Variants in DTNB observed in about 807,000 individuals in gnomAD.
The protein encoded by DTNB is dystrobrevin beta.
In DTNB, 63 loss-of-function variants were observed where a neutral mutation model predicts 90.7. The ratio of observed to expected loss-of-function variants is 0.69; its 90% CI spans 0.57 to 0.86. The LOEUF (loss-of-function observed/expected upper bound fraction) is 0.86. DTNB is among the 40% of genes least tolerant of loss of function. The pLI, the probability that DTNB is intolerant of heterozygous loss-of-function variation, is 0.00. For synonymous variants in DTNB, 277 were observed against 286.7 expected (o/e 0.97, Z 0.34); for missense variants, 744 against 807.1 (o/e 0.92, Z 0.95).
intron 10 of DTNB, among the ~76,000 whole-genome samples, chr2:25,480,433 A>C (rs570104497): frequency 3.0e-4 from 45 of 152,362 alleles, no homozygotes; most frequent in Non-Finnish European, 5.9e-4. Context: ...GCTTTCAAAA[A>C]TGACAGGTAT....
chr2:25,664,545 G>A (rs1327738417), intron 1 of DTNB, among the ~76,000 whole-genome samples: 1 of 152,166 alleles, frequency 6.6e-6, no homozygotes, highest in Non-Finnish European at 1.5e-5. Context: ...GTACGTGACA[G>A]ACATCATCAG....
chr2:25,625,770 G>T (rs2074001355), intron 4 of DTNB, among the ~76,000 whole-genome samples: 1 of 151,496 alleles, frequency 6.6e-6, no homozygotes. Flanking sequence ...CCCTTCTTTA[G>T]CCATATGCTA....
At chr2:25,627,991 C>G (rs1316805184) in intron 4 of DTNB, among the ~76,000 whole-genome samples, 180 bp downstream of exon 4, 1 of 152,134 alleles carries the variant, frequency 6.6e-6, no homozygotes, top group African/African-American at 2.4e-5. Flanking sequence ...CCTCCTTGGC[C>G]TCCCAAAGTG....
chr2:25,528,754 T>A (rs1045483610), intron 9 of DTNB, among the ~76,000 whole-genome samples: 2 of 152,196 alleles, frequency 1.3e-5, no homozygotes, highest in Admixed American at 1.3e-4. Flanking sequence ...GTAAAGTATA[T>A]CTTAAATAGC....
At chr2:25,451,774 T>C (rs1250898324) in intron 11 of DTNB, 139 bp from the exon 12 acceptor site, 14 of 768,714 alleles carry the variant, frequency 1.8e-5, no homozygotes, top group Admixed American at 1.2e-4. Context: ...TAGATACTAA[T>C]GGTCTTCTGA....
intron 14 of DTNB, among the ~76,000 whole-genome samples, chr2:25,428,169 TTTC>T (rs953431663): frequency 1.3e-5 from 2 of 152,170 alleles, no homozygotes; most frequent in Non-Finnish European, 2.9e-5. Context: ...CCTAAATGGT[TTTC>T]TTGTCTCTGT....
Position 25,432,868 on chromosome 2 carries a change from TAG to T in DTNB, c.1457+16_1457+17del, listed in dbSNP as rs746994576. The T allele has an allele frequency of 2.5e-6, 4 of 1,578,130 alleles. No homozygotes were observed. The highest frequency in any genetic ancestry group is 3.4e-6 in the Non-Finnish European group (4 of 1,162,588). Reference sequence around the variant, plus strand: ...ATAGTAGATTACATGTGGCAAGTGGTAGAGTGTCCCTACTCACCTCAGCAGCC... The same window carrying T: ...ATAGTAGATTACATGTGGCAAGTGGTAGTGTCCCTACTCACCTCAGCAGCC... On this transcript the variant is annotated intron_variant, in intron 14 of 20. Transcript: ENST00000406818.
intron 13 of DTNB, among the ~76,000 whole-genome samples, chr2:25,433,392 G>A (rs113387687): frequency 3.8e-4 from 58 of 152,122 alleles, no homozygotes; most frequent in African/African-American, 1.2e-3. Flanking sequence ...CTCTGTCCCC[G>A]ATGCCCCAGT....
chr2:25,591,085 C>T (rs765138504), intron 6 of DTNB, among the ~76,000 whole-genome samples: 5 of 152,338 alleles, frequency 3.3e-5, no homozygotes, highest in Admixed American at 6.5e-5. Flanking sequence ...TGCCCGAGCT[C>T]GGCCTCAGCC....
At chr2:25,501,812 TATTAAATTAAATTAA>T (rs1229217219) in intron 9 of DTNB, among the ~76,000 whole-genome samples, 2 of 152,184 alleles carry the variant, frequency 1.3e-5, no homozygotes, top group South Asian at 4.1e-4. Context: ...GAATCCTGAG[TATTAAATTAAATTAA>T]ATAGAAACTC....
chr2:25,377,831 G>A (rs1282567024), intron 20 of DTNB, among the ~76,000 whole-genome samples: 1 of 152,198 alleles, frequency 6.6e-6, no homozygotes, highest in Non-Finnish European at 1.5e-5. Context: ...GGGCAGGGAG[G>A]ACTGAGGTGT....
At chr2:25,612,400 G>A (rs922070271) in intron 4 of DTNB, among the ~76,000 whole-genome samples, 6 of 152,112 alleles carry the variant, frequency 3.9e-5, no homozygotes, top group Non-Finnish European at 7.4e-5. Context: ...GCCAGGGTGG[G>A]AAGAAGACAG....
At position 25,471,300 on chromosome 2, in the gene DTNB, C is replaced by T. The variant is rs758214727; in HGVS notation, c.1079+11496G>A. Among the ~76,000 whole-genome samples, 8 of 152,042 alleles carry T rather than the reference C, an allele frequency of 5.3e-5. No individual in the cohort carries two copies. The South Asian group carries it at 1.0e-3, about 20-fold the overall frequency. ...ACCTTTCCTGTGCTTATCTACCCAG[C>T]GGGGTCTCGTCTTGATGAAGTAGCA... On this transcript the variant is annotated intron_variant, in intron 10 of 20. Transcript: ENST00000406818.
At chr2:25,465,999 C>T (rs2061706497) in intron 10 of DTNB, among the ~76,000 whole-genome samples, 1 of 152,144 alleles carries the variant, frequency 6.6e-6, no homozygotes, top group African/African-American at 2.4e-5. Context: ...ATTTGCTGAA[C>T]TAATGAATTA....
intron 16 of DTNB, among the ~76,000 whole-genome samples, chr2:25,388,909 C>T (rs978510780): frequency 4.6e-5 from 7 of 151,908 alleles, no homozygotes; most frequent in African/African-American, 9.7e-5. Context: ...TGCAGTGGCA[C>T]GATCTCAGCT....
chr2:25,628,150 G>T, intron 4 of DTNB, 21 bp downstream of exon 4: 1 of 1,607,080 alleles, frequency 6.2e-7, no homozygotes. Flanking sequence ...AAGTAAGCGT[G>T]TAAGGTAAGG....
intron 8 of DTNB, among the ~76,000 whole-genome samples, chr2:25,567,741 C>T (rs1283054973): frequency 6.6e-6 from 1 of 152,106 alleles, no homozygotes; most frequent in African/African-American, 2.4e-5. Context: ...TGAGAGACTT[C>T]CTGCCAAGGA....
rs531034001 is a variant in DTNB at position 25,415,168 on chromosome 2, C to T, written c.1575+4347G>A. Among the ~76,000 whole-genome samples the T allele has an allele frequency of 2.6e-5, 4 of 152,154 alleles. No homozygotes were observed. The South Asian group carries it at 8.3e-4, about 32-fold the overall frequency. ...CCATTTCTCTCAAGTTTCCCAAATG[C>T]CAAAGTAACCCTGTGATACTATGAT... On this transcript the variant is annotated intron_variant, in intron 16 of 20. Transcript: ENST00000406818.
intron 8 of DTNB, among the ~76,000 whole-genome samples, chr2:25,547,323 C>CT (rs57298172): frequency 0.24 from 28,141 of 115,594 alleles, 3,797 homozygotes; most frequent in East Asian, 0.52. Flanking sequence ...TCTTTCTTTC[C>CT]TTTTTTTTTT....
Sources: allele counts gnomAD v4.1 joint callset (sites outside exome capture counted in the v4.1 genomes callset), GRCh38; gene constraint gnomAD v4.1.1; transcripts MANE v1.5; gene names NCBI Gene and HGNC (gene_info 2026-07-23, HGNC 2026-07-21).